Variants in VRK1 observed in about 807,000 individuals in gnomAD.
The protein encoded by VRK1 is serine/threonine-protein kinase VRK1.
A neutral mutation model predicts 57.1 loss-of-function variants in VRK1; 33 were observed. The ratio of observed to expected loss-of-function variants is 0.58; its 90% CI spans 0.44 to 0.77. The LOEUF (loss-of-function observed/expected upper bound fraction) is 0.77. Among genes scored for constraint, VRK1 ranks in the 30% least tolerant of loss-of-function variants. The probability of loss-of-function intolerance (pLI) is 0.00; values close to 1 mark genes in which losing one functional copy is unlikely to be tolerated. For missense variants in VRK1, 413 were observed against 477.3 expected, an observed-to-expected ratio of 0.87 and a Z score of 1.25; for synonymous variants, 137 against 147.8, an observed-to-expected ratio of 0.93 and a Z score of 0.53.
intron 9 of VRK1, 34 bp downstream of exon 9, chr14:96,856,284 CATG>C (rs1392710368): frequency 6.8e-6 from 11 of 1,606,354 alleles, no homozygotes; most frequent in African/African-American, 1.3e-5. Flanking sequence ...CTAGCAAAAT[CATG>C]ATAAGCCAAA....
chr14:96,823,455 T>G (rs1595652575), intron 1 of VRK1, among the ~76,000 whole-genome samples: 1 of 152,336 alleles, frequency 6.6e-6, no homozygotes, highest in East Asian at 1.9e-4. Context: ...TTAGCATCTA[T>G]AAGAATAACC....
At chr14:96,857,648 C>T (rs1385865890) in intron 10 of VRK1, among the ~76,000 whole-genome samples, 1 of 152,176 alleles carries the variant, frequency 6.6e-6, no homozygotes, top group African/African-American at 2.4e-5. Context: ...TGCAGTAACC[C>T]ATGCAAGAGA....
intron 7 of VRK1, 53 bp from the exon 8 acceptor site, chr14:96,855,171 T>C: frequency 1.2e-6 from 2 of 1,613,314 alleles, no homozygotes; most frequent in South Asian, 2.2e-5. Flanking sequence ...TTTAAAGGGT[T>C]ATATGTGCAG....
intron 1 of VRK1, among the ~76,000 whole-genome samples, chr14:96,832,644 C>G (rs1887052738): frequency 6.6e-6 from 1 of 152,144 alleles, no homozygotes; most frequent in Non-Finnish European, 1.5e-5. Flanking sequence ...ACACTGCTTT[C>G]TCTGAATGTT....
intron 1 of VRK1, among the ~76,000 whole-genome samples, chr14:96,821,666 T>C (rs1886603872): frequency 6.6e-6 from 1 of 152,204 alleles, no homozygotes; most frequent in Admixed American, 6.5e-5. Flanking sequence ...GAGTGATCCA[T>C]TCAAAGTGCA....
chr14:96,877,161 A>G (rs958868823), intron 12 of VRK1, among the ~76,000 whole-genome samples: 1 of 151,944 alleles, frequency 6.6e-6, no homozygotes, highest in African/African-American at 2.4e-5. Flanking sequence ...AAAATTTTAC[A>G]GCATAGGTGC....
At chr14:96,863,503 C>A (rs1421690004) in intron 11 of VRK1, among the ~76,000 whole-genome samples, 1 of 152,088 alleles carries the variant, frequency 6.6e-6, no homozygotes, top group African/African-American at 2.4e-5. Flanking sequence ...TTAACACTTC[C>A]ATGAACTATT....
At chr14:96,874,950 T>C (rs1045531285) in intron 11 of VRK1, among the ~76,000 whole-genome samples, 2 of 152,164 alleles carry the variant, frequency 1.3e-5, no homozygotes, top group South Asian at 2.1e-4. Flanking sequence ...GTTTAACTTA[T>C]TGTTAATTGT....
intron 1 of VRK1, among the ~76,000 whole-genome samples, chr14:96,811,465 A>G (rs1342384162): frequency 7.9e-5 from 12 of 152,246 alleles, no homozygotes; most frequent in Non-Finnish European, 1.5e-4. Context: ...TTCATGAATC[A>G]GCAGAAGTCA....
chr14:96,830,157 G>A (rs1184665548), intron 1 of VRK1, among the ~76,000 whole-genome samples: 1 of 151,984 alleles, frequency 6.6e-6, no homozygotes, highest in African/African-American at 2.4e-5. Context: ...TTACTATTAA[G>A]TTAACTAAAT....
chr14:96,808,002 C>CGT (rs1555357994), intron 1 of VRK1, among the ~76,000 whole-genome samples: 227 of 118,144 alleles, frequency 1.9e-3, no homozygotes, highest in African/African-American at 5.9e-3. Flanking sequence ...TCCCTCTCTC[C>CGT]CTCTCTCTCT....
chr14:96,845,230 A>G (rs1024904012), intron 3 of VRK1, among the ~76,000 whole-genome samples: 2 of 152,074 alleles, frequency 1.3e-5, no homozygotes, highest in Admixed American at 6.6e-5. Context: ...ATTCCCAATA[A>G]ATAATGACCA....
intron 1 of VRK1, among the ~76,000 whole-genome samples, chr14:96,825,239 C>A (rs1886756259): frequency 6.6e-6 from 1 of 152,126 alleles, no homozygotes. Flanking sequence ...GAATTCCCAT[C>A]TGAAGTTTCT....
chr14:96,798,355 A>G (rs1885524923), intron 1 of VRK1, among the ~76,000 whole-genome samples: 1 of 152,198 alleles, frequency 6.6e-6, no homozygotes, highest in Non-Finnish European at 1.5e-5. Context: ...ACAGCAGCAG[A>G]GTCAGACACT....
At chr14:96,803,749 G>A (rs763460449) in intron 1 of VRK1, among the ~76,000 whole-genome samples, 1 of 152,080 alleles carries the variant, frequency 6.6e-6, no homozygotes, top group African/African-American at 2.4e-5. Flanking sequence ...TATTTTTTGT[G>A]CGTACTGGTA....
chr14:96,875,491 A>T (rs4905557), intron 11 of VRK1, among the ~76,000 whole-genome samples: 95,701 of 152,062 alleles, frequency 0.63, 30,878 homozygotes, highest in African/African-American at 0.69. Context: ...AAGAGAAACA[A>T]TTATTACAAG....
At chr14:96,832,128 TCCC>T (rs1887030104) in intron 1 of VRK1, among the ~76,000 whole-genome samples, 13 of 151,696 alleles carry the variant, frequency 8.6e-5, no homozygotes, top group South Asian at 4.2e-4. Flanking sequence ...ATTTAAAAAG[TCCC>T]CAGTAAATTA....
intron 1 of VRK1, among the ~76,000 whole-genome samples, chr14:96,808,022 T>C (rs1191635548): frequency 2.2e-5 from 1 of 46,060 alleles, no homozygotes; most frequent in Admixed American, 2.9e-4. Context: ...TCCCTCTGTG[T>C]GTGTGTGTGT....
intron 3 of VRK1, among the ~76,000 whole-genome samples, chr14:96,841,524 T>C (rs1595666728): frequency 6.6e-6 from 1 of 152,292 alleles, no homozygotes; most frequent in South Asian, 2.1e-4. Flanking sequence ...TTAGTAACTT[T>C]TTGGATGTTA....
Sources: allele counts gnomAD v4.1 joint callset (sites outside exome capture counted in the v4.1 genomes callset), GRCh38; gene constraint gnomAD v4.1.1; transcripts MANE v1.5; gene names NCBI Gene and HGNC (gene_info 2026-07-23, HGNC 2026-07-21).